The following DGAT1 variants were observed in gnomAD, a reference collection of about 807,000 sequenced individuals.
DGAT1 encodes diacylglycerol O-acyltransferase 1.
Under a neutral mutation model 72.6 loss-of-function variants are expected in DGAT1, and 60 were observed. The observed-to-expected ratio is 0.83, with a 90% CI of 0.67 to 1.02. DGAT1 has a LOEUF of 1.02. Among genes scored for constraint, DGAT1 ranks in the 50% least tolerant of loss-of-function variants. DGAT1 has a pLI of 0.00. For synonymous variants in DGAT1, 290 were observed against 267.5 expected (o/e 1.08, Z -0.82); for missense variants, 592 against 670.0 (o/e 0.88, Z 1.29).
In DGAT1 at chr8:144,317,744, C is replaced by T. The variant is rs188787685; in HGVS notation, c.895-32G>A. On this transcript the variant is annotated intron_variant, in intron 10 of 16. Coordinates refer to ENST00000528718, the MANE Select transcript of DGAT1 (RefSeq NM_012079.6). ...AGGAGGGCACCACGTCAGCTCCCAG[C>T]CATGCCCAGCTACACCCAACCCTGC... 3.1e-6 allele frequency: 5 copies of T among 1,613,532 alleles called. No individual in the cohort carries two copies. The Admixed American group carries it at 6.7e-5, about 22-fold the overall frequency.
chr8:144,321,443 G>C, intron 1 of DGAT1, 35 bp from the exon 2 acceptor site: 1 of 1,600,986 alleles, frequency 6.2e-7, no homozygotes. Context: ...CCCTGAGTGG[G>C]CACCAGCAGG....
chr8:144,320,636 A>G (rs1442147594), intron 2 of DGAT1, among the ~76,000 whole-genome samples: 2 of 151,998 alleles, frequency 1.3e-5, no homozygotes, highest in Non-Finnish European at 1.5e-5. Flanking sequence ...TTTGAGCCCT[A>G]GACTCCAACT....
Position 144,315,099 on chromosome 8 carries a change from C to A in DGAT1, c.*1455G>T. 2.0e-6 allele frequency: 2 copies of A among 985,530 alleles called. No individual in the cohort carries two copies. The highest frequency in any genetic ancestry group is 2.4e-6 in the Non-Finnish European group (2 of 829,970). The allele number at this position is 985,530 out of a possible 1,614,324, so 61.0% of individuals were successfully genotyped here. ...CGTAGCTTTAGGGTTCTCCACTCAGCCTGGTGGAGGAAGGGAAGGGGGCCT... is the reference window on the plus strand; with the variant it reads ...CGTAGCTTTAGGGTTCTCCACTCAGACTGGTGGAGGAAGGGAAGGGGGCCT... On this transcript the variant is annotated 3_prime_UTR_variant, in exon 17 of 17. Transcript: ENST00000528718.
Position 144,315,492 on chromosome 8 carries a change from C to T in DGAT1, c.*1062G>A, listed in dbSNP as rs187720117. 6.2e-3 allele frequency: 6,127 copies of T among 985,588 alleles called. 26 individuals carry two copies. Among genetic ancestry groups the T allele is most frequent in the Non-Finnish European group, 6.6e-3 (5,516 of 830,038 alleles). 61.1% of individuals were successfully genotyped at this position (985,588 alleles called of 1,614,324 possible). A position where few individuals can be genotyped will look rare whatever the true frequency, so the allele number is the denominator to read the frequency against. On this transcript the variant is annotated 3_prime_UTR_variant, in exon 17 of 17. Coordinates refer to ENST00000528718, the MANE Select transcript of DGAT1 (RefSeq NM_012079.6). ...TGGGCCATAGCTGCAGGTCTGGGGA[C>T]ACCAGGGCCTGGTCCAGTCTTGGGG...
At chr8:144,321,476 C>T in intron 1 of DGAT1, 68 bp from the exon 2 acceptor site, 1 of 1,412,684 alleles carries the variant, frequency 7.1e-7, no homozygotes, top group Non-Finnish European at 1.0e-6. Context: ...CCGCAGGATC[C>T]AGGCCCCCAC....
intron 15 of DGAT1, 53 bp downstream of exon 15, chr8:144,316,969 T>C (rs1204860299): frequency 6.8e-6 from 11 of 1,611,806 alleles, no homozygotes; most frequent in Non-Finnish European, 5.9e-6. Flanking sequence ...CCGTCCCTGC[T>C]GTGGGCATAC....
At chr8:144,318,948 T>C in intron 3 of DGAT1, 28 bp from the exon 4 acceptor site, 1 of 983,956 alleles carries the variant, frequency 1.0e-6, no homozygotes, top group Non-Finnish European at 1.3e-6. Context: ...GGGGTCTGAG[T>C]GGGTGGCAGG....
rs782564861 is a variant in DGAT1 at position 144,318,813 on chromosome 8, C to T, written c.415+22G>A. ...ACGTCAGCCTGATCCCCACCCGAGG[C>T]CCTCCTCAGAGCCCAGCTCACCAAT... On this transcript the variant is annotated intron_variant, in intron 4 of 16. Transcript: ENST00000528718. The T allele has an allele frequency of 1.2e-5, 20 of 1,609,506 alleles. No individual in the cohort carries two copies. The Admixed American group carries it at 3.0e-4, about 24-fold the overall frequency.
chr8:144,317,277 G>T, intron 13 of DGAT1, 25 bp from the exon 14 acceptor site: 1 of 1,612,272 alleles, frequency 6.2e-7, no homozygotes, highest in Non-Finnish European at 8.5e-7. Context: ...ACCACAGGGG[G>T]ATCAGAGCAC....
chr8:144,324,689 CAAG>C (rs1348823680), intron 1 of DGAT1, among the ~76,000 whole-genome samples: 2 of 152,174 alleles, frequency 1.3e-5, no homozygotes, highest in African/African-American at 2.4e-5. Context: ...GTTTGCAAAG[CAAG>C]AAGGTGACTG....
At position 144,317,899 on chromosome 8, in the gene DGAT1, A is replaced by G; in HGVS notation, c.855+15T>C. The G allele has an allele frequency of 3.9e-6, 6 of 1,539,388 alleles. No individual in the cohort carries two copies. The highest frequency in any genetic ancestry group is 1.4e-5 in the African/African-American group (1 of 72,746). ...CCCCTAGCCTCCAGTGGCTGCCCCC[A>G]GCCCCCAACCTCACCATCTCAAGGA... On this transcript the variant is annotated intron_variant, in intron 9 of 16. Transcript: ENST00000528718.
chr8:144,326,577 G>A lies in DGAT1; in HGVS notation c.60C>T (p.Gly20=). The A allele has an allele frequency of 2.4e-6, 3 of 1,246,964 alleles. No individual in the cohort carries two copies. The highest frequency in any genetic ancestry group is 3.3e-5 in the East Asian group (1 of 30,060). 77.2% of individuals were successfully genotyped at this position (1,246,964 alleles called of 1,614,324 possible). Residue 20 remains glycine (G), a synonymous_variant, in exon 1 of 17, where the codon GGC becomes GGT. Coordinates refer to ENST00000528718, the MANE Select transcript of DGAT1 (RefSeq NM_012079.6). The part of the protein sequence containing the change: ...RRTGSRPSSH[G]GGGPAAAEEE... ...CTTCCGCCGCCGCAGGCCCGCCGCC[G>A]CCGTGGCTCGAGGGCCGCGACCCTG...
intron 1 of DGAT1, among the ~76,000 whole-genome samples, chr8:144,322,635 C>T (rs1239844959): frequency 6.6e-6 from 1 of 151,848 alleles, no homozygotes. Flanking sequence ...CAACACATGC[C>T]CCATCTACAC....
chr8:144,319,894 G>GCTGAA (rs1817396736), intron 2 of DGAT1, among the ~76,000 whole-genome samples: 1 of 152,232 alleles, frequency 6.6e-6, no homozygotes, highest in South Asian at 2.1e-4. Context: ...GTGAACTGGT[G>GCTGAA]CTGGGGAAAA....
Position 144,322,262 on chromosome 8 carries a change from G to A in DGAT1, c.201-854C>T, listed in dbSNP as rs140064782. 2.2e-3 allele frequency among the ~76,000 whole-genome samples: 338 copies of A among 152,288 alleles called. 2 individuals carry two copies. The highest frequency in any genetic ancestry group is 7.7e-3 in the African/African-American group (318 of 41,566). ...CAAGAGCTTGGCCAGGCCCCCACAC[G>A]TCCTAGGAAGCAGTGCTGGCTCATA... On this transcript the variant is annotated intron_variant, in intron 1 of 16. Transcript: ENST00000528718.
At chr8:144,326,054 G>A (rs1216731573) in intron 1 of DGAT1, among the ~76,000 whole-genome samples, 2 of 152,136 alleles carry the variant, frequency 1.3e-5, no homozygotes, top group Non-Finnish European at 2.9e-5. Context: ...ATAGCACCAA[G>A]AAGGAACCTA....
At chr8:144,323,890 A>T (rs1440618938) in intron 1 of DGAT1, among the ~76,000 whole-genome samples, 1 of 152,252 alleles carries the variant, frequency 6.6e-6, no homozygotes, top group Non-Finnish European at 1.5e-5. Flanking sequence ...AGCTCTGCTC[A>T]CTGCCGCCTC....
chr8:144,317,119 AG>A lies in DGAT1; in HGVS notation c.1161-11del. The A allele has an allele frequency of 6.2e-7, 1 of 1,612,726 alleles. No homozygotes were observed. Among genetic ancestry groups the A allele is most frequent in the Non-Finnish European group, 8.5e-7 (1 of 1,179,614 alleles). On this transcript the variant is annotated splice_polypyrimidine_tract_variant and intron_variant, in intron 14 of 16. Transcript: ENST00000528718. ...GGGCTTGTAGAAGTGTCTGCAGAGG[AG>A]GGGGCATGGAAAGCGGTTCAGGTTC...
rs1554848124 is a variant in DGAT1, at chr8:144,321,414, A to G, written c.201-6T>C. The G allele has an allele frequency of 6.2e-7, 1 of 1,613,606 alleles. No homozygotes were observed. On this transcript the variant is annotated splice_polypyrimidine_tract_variant and splice_region_variant and intron_variant, in intron 1 of 16. Coordinates refer to ENST00000528718, the MANE Select transcript of DGAT1 (RefSeq NM_012079.6). The stretch of plus-strand genomic sequence containing the variant: ...AATCCTGCAGGCGATGGCACCTGAC[A>G]GAGCACAACACAAGCACCCCCTGAG...
Sources: allele counts gnomAD v4.1 joint callset (sites outside exome capture counted in the v4.1 genomes callset), GRCh38; gene constraint gnomAD v4.1.1; transcripts MANE v1.5; gene names NCBI Gene and HGNC (gene_info 2026-07-23, HGNC 2026-07-21).